Variants in VIT observed in about 807,000 individuals in gnomAD.
The protein encoded by VIT is vitrin.
In VIT, 99 loss-of-function variants were observed where a neutral mutation model predicts 78.0. The observed-to-expected ratio is 1.27, with a 90% CI of 1.08 to 1.50. The LOEUF is 1.50. Ranked by LOEUF, VIT falls within the 40% of genes most tolerant of loss-of-function variation. The probability of loss-of-function intolerance (pLI) is 0.00; values close to 1 mark genes in which losing one functional copy is unlikely to be tolerated. For synonymous variants in VIT, 374 were observed against 334.3 expected, an observed-to-expected ratio of 1.12 and a Z score of -1.29; for missense variants, 1,126 against 875.3, an observed-to-expected ratio of 1.29 and a Z score of -3.61.
chr2:36,785,119 C>T (rs1476257278), intron 11 of VIT, among the ~76,000 whole-genome samples: 1 of 152,208 alleles, frequency 6.6e-6, no homozygotes, highest in East Asian at 1.9e-4. Flanking sequence ...AGAAAATCCC[C>T]TCTGGCCCTT....
intron 12 of VIT, among the ~76,000 whole-genome samples, chr2:36,796,880 G>T (rs747939139): frequency 1.3e-5 from 2 of 151,978 alleles, no homozygotes; most frequent in African/African-American, 2.4e-5. Flanking sequence ...GACACCCTCA[G>T]GAAATTGTGC....
intron 9 of VIT, among the ~76,000 whole-genome samples, chr2:36,781,404 T>G (rs542121215): frequency 6.6e-6 from 1 of 152,332 alleles, no homozygotes; most frequent in South Asian, 2.1e-4. Context: ...AGGCCAGGGA[T>G]GTTGCAAAAA....
chr2:36,775,567 T>C (rs1669999874), intron 9 of VIT, among the ~76,000 whole-genome samples: 1 of 152,236 alleles, frequency 6.6e-6, no homozygotes, highest in South Asian at 2.1e-4. Context: ...TTTCTGAGTT[T>C]ACCATCCTCC....
At chr2:36,812,053 T>A (rs1328651332) in intron 15 of VIT, among the ~76,000 whole-genome samples, 4 of 152,194 alleles carry the variant, frequency 2.6e-5, no homozygotes, top group African/African-American at 7.2e-5. Flanking sequence ...AAGGAGGGCT[T>A]AGACTGTCTA....
At chr2:36,799,965 T>C (rs1263086394) in intron 12 of VIT, among the ~76,000 whole-genome samples, 3 of 151,818 alleles carry the variant, frequency 2.0e-5, no homozygotes, top group East Asian at 3.9e-4. Context: ...GGAGAATCAC[T>C]TGAACCCGGG....
chr2:36,748,137 G>A (rs1481588946), intron 4 of VIT, among the ~76,000 whole-genome samples: 1 of 152,066 alleles, frequency 6.6e-6, no homozygotes, highest in Non-Finnish European at 1.5e-5. Context: ...CTGACCCTTT[G>A]ATTACCTTTA....
At chr2:36,731,267 T>TTTTTA (rs1250281787) in intron 3 of VIT, among the ~76,000 whole-genome samples, 27 of 152,116 alleles carry the variant, frequency 1.8e-4, no homozygotes, top group African/African-American at 3.4e-4. Flanking sequence ...AATGTCTTCA[T>TTTTTA]TTTTATTTTA....
At position 36,805,475 on chromosome 2, in the gene VIT, C is replaced by T. The variant is rs1354815272; in HGVS notation, c.1200C>T (p.Ser400=). ...AISFVTKNFF[S]KANGNRSGAP... is the part of the protein sequence containing the mutation. ...CCTTTGTGACCAAGAACTTCTTTTC[C>T]AAAGCCAATGGAAACAGAAGCGGGG... The change falls in exon 14 of 16, where the codon TCC becomes TCT. Residue 400 remains serine, a synonymous_variant. Transcript: ENST00000379242. 4.3e-6 allele frequency: 7 copies of T among 1,613,020 alleles called. No individual in the cohort carries two copies. Among genetic ancestry groups the T allele is most frequent in the Non-Finnish European group, 5.9e-6 (7 of 1,179,524 alleles).
At chr2:36,783,241 C>G in intron 10 of VIT, 99 bp from the exon 11 acceptor site, 1 of 1,167,840 alleles carries the variant, frequency 8.6e-7, no homozygotes, top group Non-Finnish European at 1.2e-6. Flanking sequence ...AGCCAAGCCC[C>G]CAAGCTGGGT....
At chr2:36,738,467 A>G (rs1667641812) in intron 3 of VIT, among the ~76,000 whole-genome samples, 1 of 152,236 alleles carries the variant, frequency 6.6e-6, no homozygotes, top group African/African-American at 2.4e-5. Flanking sequence ...ATGTATTTTT[A>G]GAGACACAAA....
At chr2:36,729,229 C>T (rs11124535) in intron 2 of VIT, among the ~76,000 whole-genome samples, 197 bp from the exon 3 acceptor site, 51,805 of 151,948 alleles carry the variant, frequency 0.34, 11,005 homozygotes, top group Non-Finnish European at 0.46. Flanking sequence ...TCTACAATAT[C>T]GGCACAATGA....
chr2:36,763,848 G>A (rs933061579), intron 6 of VIT, among the ~76,000 whole-genome samples: 1 of 151,992 alleles, frequency 6.6e-6, no homozygotes, highest in Non-Finnish European at 1.5e-5. Context: ...CTCGGCCCCC[G>A]CAAGTGCTAG....
At position 36,748,305 on chromosome 2, in the gene VIT, T is replaced by C. The variant is rs373205179; in HGVS notation, c.275+5049T>C. 3.0e-4 allele frequency among the ~76,000 whole-genome samples: 46 copies of C among 152,326 alleles called. 1 individual carries two copies. In the South Asian group the frequency reaches 5.8e-3, roughly 19 times the overall value. ...ACTGAGGGAATTTTCATGAACTATATATCCTCAAATATCTTTTCTAAGTTG... is the reference window on the plus strand; with the variant it reads ...ACTGAGGGAATTTTCATGAACTATACATCCTCAAATATCTTTTCTAAGTTG... On this transcript the variant is annotated intron_variant, in intron 4 of 15. Transcript: ENST00000379242.
chr2:36,767,090 A>G lies in VIT; in HGVS notation c.488-4A>G. On this transcript the variant is annotated splice_polypyrimidine_tract_variant and splice_region_variant and intron_variant, in intron 6 of 15. Coordinates refer to ENST00000379242, the MANE Select transcript of VIT (RefSeq NM_053276.4). ...GGCCTTGGTATAATTCCATTTTCTT[A>G]CAGGTGAGACCACAAAAGCCTATCA... 6.3e-7 allele frequency: 1 copy of G among 1,578,352 alleles called. No individual in the cohort carries two copies. Among genetic ancestry groups the G allele is most frequent in the Non-Finnish European group, 8.6e-7 (1 of 1,162,928 alleles).
intron 12 of VIT, among the ~76,000 whole-genome samples, chr2:36,788,703 A>G (rs1174399202): frequency 1.3e-5 from 2 of 152,244 alleles, no homozygotes; most frequent in Non-Finnish European, 2.9e-5. Flanking sequence ...TAGAGAGGAA[A>G]CATACGCGTT....
chr2:36,742,964 A>G, intron 3 of VIT, 136 bp from the exon 4 acceptor site: 1 of 1,066,096 alleles, frequency 9.4e-7, no homozygotes, highest in South Asian at 1.7e-5. Flanking sequence ...CTTTGCTTTC[A>G]TTATAGGGAG....
intron 3 of VIT, among the ~76,000 whole-genome samples, chr2:36,733,728 G>C (rs1267653705): frequency 6.6e-6 from 1 of 152,170 alleles, no homozygotes; most frequent in Non-Finnish European, 1.5e-5. Flanking sequence ...CTGGAGGTAA[G>C]GGCTTACAGA....
At chr2:36,741,883 G>A (rs138119220) in intron 3 of VIT, among the ~76,000 whole-genome samples, 3 of 152,258 alleles carry the variant, frequency 2.0e-5, no homozygotes, top group African/African-American at 7.2e-5. Context: ...TGCCTCTATA[G>A]AAAGTCTGTT....
At chr2:36,791,590 T>C (rs1172177463) in intron 12 of VIT, among the ~76,000 whole-genome samples, 3 of 152,182 alleles carry the variant, frequency 2.0e-5, no homozygotes, top group Non-Finnish European at 4.4e-5. Flanking sequence ...TTCCCAGCTA[T>C]TGTCATTCAA....
Sources: allele counts gnomAD v4.1 joint callset (sites outside exome capture counted in the v4.1 genomes callset), GRCh38; gene constraint gnomAD v4.1.1; transcripts MANE v1.5; gene names NCBI Gene and HGNC (gene_info 2026-07-23, HGNC 2026-07-21).